SERPINI2: variants seen among roughly 807,000 people sequenced by gnomAD.
The protein encoded by SERPINI2 is serpin I2.
A neutral mutation model predicts 47.3 loss-of-function variants in SERPINI2; 48 were observed. That is an observed-to-expected ratio of 1.02 (90% CI 0.81 to 1.29). SERPINI2 has a LOEUF of 1.29. Among genes scored for constraint, SERPINI2 ranks in the 50% most tolerant of loss-of-function variants. The pLI, the probability that SERPINI2 is intolerant of heterozygous loss-of-function variation, is 0.00. For synonymous variants in SERPINI2, 135 were observed against 149.3 expected, an observed-to-expected ratio of 0.90 and a Z score of 0.70; for missense variants, 448 against 456.9, an observed-to-expected ratio of 0.98 and a Z score of 0.18.
At chr3:167,449,176 C>A in intron 7 of SERPINI2, 140 bp downstream of exon 7, 1 of 654,472 alleles carries the variant, frequency 1.5e-6, no homozygotes, top group Non-Finnish European at 2.7e-6. Context: ...CGTATACAAC[C>A]ATTTCCTTTT....
intron 6 of SERPINI2, among the ~76,000 whole-genome samples, chr3:167,451,951 T>G (rs1749652579): frequency 6.6e-6 from 1 of 152,204 alleles, no homozygotes; most frequent in Admixed American, 6.5e-5. Context: ...AAGTCAGATC[T>G]ATCTGTCAGT....
chr3:167,465,113 A>G, intron 5 of SERPINI2, 93 bp downstream of exon 5: 1 of 1,112,628 alleles, frequency 9.0e-7, no homozygotes, highest in Non-Finnish European at 1.3e-6. Context: ...GTGTCAATAG[A>G]CTTTTCAAGT....
chr3:167,463,938 C>T (rs1750056867), intron 5 of SERPINI2, among the ~76,000 whole-genome samples: 1 of 150,450 alleles, frequency 6.6e-6, no homozygotes, highest in Non-Finnish European at 1.5e-5. Context: ...CCAGAGGTGA[C>T]TCCTTTCCAG....
Position 167,453,050 on chromosome 3 carries a change from AAG to A in SERPINI2, c.867-19_867-18del. The A allele has an allele frequency of 7.0e-7, 1 of 1,428,410 alleles. No homozygotes were observed. The highest frequency in any genetic ancestry group is 9.6e-7 in the Non-Finnish European group (1 of 1,042,296). The allele number at this position is 1,428,410 out of a possible 1,614,324, so 88.5% of individuals were successfully genotyped here. A position where few individuals can be genotyped will look rare whatever the true frequency, so the allele number is the denominator to read the frequency against. ...ACTTTAAATCTGTTATTAAAAAAAA[AAG>A]AAAAAGAAAAGTCTTGAAACACTGC... On this transcript the variant is annotated intron_variant, in intron 5 of 8. Coordinates refer to ENST00000264677, the Ensembl canonical transcript of SERPINI2.
chr3:167,451,495 G>A (rs957717970), intron 6 of SERPINI2, among the ~76,000 whole-genome samples: 1 of 152,152 alleles, frequency 6.6e-6, no homozygotes, highest in Admixed American at 6.5e-5. Flanking sequence ...ACCAGCAGGG[G>A]TATCAGCATT....
intron 6 of SERPINI2, among the ~76,000 whole-genome samples, chr3:167,450,682 C>G (rs1749616242): frequency 6.6e-6 from 1 of 152,100 alleles, no homozygotes; most frequent in Non-Finnish European, 1.5e-5. Flanking sequence ...CAAGGTCCGG[C>G]AAATAAGCAC....
At position 167,452,894 on chromosome 3, in the gene SERPINI2, A is replaced by T. The variant is rs1749679642; in HGVS notation, c.964+42T>A. 3.0e-6 allele frequency: 4 copies of T among 1,318,882 alleles called. No individual in the cohort carries two copies. The South Asian group carries it at 5.2e-5, about 17-fold the overall frequency. 81.7% of individuals were successfully genotyped at this position (1,318,882 alleles called of 1,614,324 possible). ...CAGCTAGTTAATGTAGTCCTAACAA[A>T]ACAAATTAACATCATAATATAAGAA... is the stretch of plus-strand genomic sequence containing the variant. On this transcript the variant is annotated intron_variant, in intron 6 of 8. Coordinates refer to ENST00000264677, the Ensembl canonical transcript of SERPINI2.
intron 5 of SERPINI2, among the ~76,000 whole-genome samples, chr3:167,454,887 G>A (rs958631848): frequency 6.6e-5 from 10 of 152,200 alleles, no homozygotes; most frequent in African/African-American, 1.9e-4. Flanking sequence ...TAAGGAAGTC[G>A]GCATTATTTC....
chr3:167,473,833 T>C (rs1466819657), intron 1 of SERPINI2, 170 bp downstream of exon 1: 1 of 1,380,764 alleles, frequency 7.2e-7, no homozygotes, highest in Admixed American at 3.2e-5. Flanking sequence ...ATCTTCTGAT[T>C]TGTGGTGAAA....
intron 3 of SERPINI2, among the ~76,000 whole-genome samples, chr3:167,466,503 T>A (rs1166485516): frequency 6.6e-6 from 1 of 152,224 alleles, no homozygotes; most frequent in Non-Finnish European, 1.5e-5. Context: ...AGCTTATAAC[T>A]TTCTAAGATT....
At chr3:167,461,391 A>G (rs770615588) in intron 5 of SERPINI2, among the ~76,000 whole-genome samples, 3 of 152,148 alleles carry the variant, frequency 2.0e-5, no homozygotes, top group Non-Finnish European at 4.4e-5. Context: ...GGAAATGGGG[A>G]ATACAACTGC....
intron 5 of SERPINI2, among the ~76,000 whole-genome samples, chr3:167,460,758 G>A (rs531579127): frequency 4.6e-5 from 7 of 152,102 alleles, no homozygotes; most frequent in South Asian, 2.1e-4. Context: ...TAGAGTGACC[G>A]GAAAGTTGAA....
intron 8 of SERPINI2, among the ~76,000 whole-genome samples, chr3:167,445,028 G>C (rs1348004132): frequency 6.6e-6 from 1 of 152,046 alleles, no homozygotes; most frequent in East Asian, 1.9e-4. Flanking sequence ...CTAAAGGTTA[G>C]ACAGACACAT....
chr3:167,461,800 T>C (rs1344360962), intron 5 of SERPINI2, among the ~76,000 whole-genome samples: 3 of 152,048 alleles, frequency 2.0e-5, no homozygotes, highest in Non-Finnish European at 1.5e-5. Flanking sequence ...TTTTTTATTT[T>C]CTAAAGACAG....
intron 5 of SERPINI2, among the ~76,000 whole-genome samples, chr3:167,461,747 A>G (rs189689224): frequency 9.4e-4 from 143 of 152,080 alleles, no homozygotes; most frequent in African/African-American, 3.2e-3. Flanking sequence ...GGTAGCTGGG[A>G]CTACAGGCAC....
At chr3:167,455,593 CAAAAA>C (rs11407272) in intron 5 of SERPINI2, among the ~76,000 whole-genome samples, 1 of 123,242 alleles carries the variant, frequency 8.1e-6, no homozygotes, top group African/African-American at 2.9e-5. Context: ...ATACGAGTCT[CAAAAA>C]AAAAAAAAGA....
At chr3:167,463,106 AC>A (rs1385593055) in intron 5 of SERPINI2, among the ~76,000 whole-genome samples, 1 of 152,214 alleles carries the variant, frequency 6.6e-6, no homozygotes, top group Non-Finnish European at 1.5e-5. Context: ...CACTGGTGGT[AC>A]ATGTCACAGA....
intron 5 of SERPINI2, among the ~76,000 whole-genome samples, chr3:167,456,623 C>T (rs1002371951): frequency 3.3e-5 from 5 of 152,198 alleles, no homozygotes; most frequent in African/African-American, 1.2e-4. Flanking sequence ...GCCCTACAGT[C>T]ACCTGTTTTC....
chr3:167,456,264 G>C (rs1273125738), intron 5 of SERPINI2, among the ~76,000 whole-genome samples: 1 of 151,500 alleles, frequency 6.6e-6, no homozygotes, highest in Non-Finnish European at 1.5e-5. Flanking sequence ...TCTGGATAAT[G>C]TTTAATGTAT....
Sources: gnomAD v4.1 joint callset for allele counts (sites outside exome capture counted in the v4.1 genomes callset) on GRCh38, gnomAD v4.1.1 for gene constraint, MANE v1.5 for transcripts, NCBI Gene and HGNC (gene_info 2026-07-23, HGNC 2026-07-21) for gene names.